VWC2: variants seen among roughly 807,000 people sequenced by gnomAD.
The protein encoded by VWC2 is von Willebrand factor C domain containing 2.
VWC2 carries 14 observed loss-of-function variants against 29.8 expected under a neutral mutation model. That is an observed-to-expected ratio of 0.47 (90% CI 0.31 to 0.74). The LOEUF is 0.74. Ranked by LOEUF, VWC2 falls within the 30% of genes least tolerant of loss-of-function variation. The pLI is 0.05. For synonymous variants in VWC2, 213 were observed against 199.0 expected (o/e 1.07, Z -0.59); for missense variants, 457 against 459.8 (o/e 0.99, Z 0.05).
intron 3 of VWC2, among the ~76,000 whole-genome samples, chr7:49,841,923 A>G (rs1789802591): frequency 6.6e-6 from 1 of 152,000 alleles, no homozygotes; most frequent in African/African-American, 2.4e-5. Context: ...CTGCAGTGCA[A>G]TGGCGTGATC....
intron 3 of VWC2, among the ~76,000 whole-genome samples, chr7:49,891,947 A>G (rs1792147651): frequency 6.6e-6 from 1 of 151,392 alleles, no homozygotes. Flanking sequence ...ATAAATTTTG[A>G]TATATTCATA....
chr7:49,895,697 T>C (rs921410877), intron 3 of VWC2, among the ~76,000 whole-genome samples: 1 of 149,392 alleles, frequency 6.7e-6, no homozygotes, highest in Non-Finnish European at 1.5e-5. Flanking sequence ...TCTCTCTGAG[T>C]CTCATTTTTC....
chr7:49,894,345 G>A (rs1202631681), intron 3 of VWC2, among the ~76,000 whole-genome samples: 8 of 152,160 alleles, frequency 5.3e-5, no homozygotes, highest in Middle Eastern at 3.4e-3. Context: ...TTGTAGAGAC[G>A]GGGTTTTGAA....
chr7:49,891,875 A>T (rs1380517377), intron 3 of VWC2, among the ~76,000 whole-genome samples: 1 of 151,422 alleles, frequency 6.6e-6, no homozygotes, highest in African/African-American at 2.4e-5. Flanking sequence ...TCTGCTATTG[A>T]TAGATACTTT....
At chr7:49,789,387 A>T (rs1182036714) in intron 2 of VWC2, among the ~76,000 whole-genome samples, 1 of 151,364 alleles carries the variant, frequency 6.6e-6, no homozygotes, top group Non-Finnish European at 1.5e-5. Context: ...GTGTGTATGA[A>T]GTAGGCATAG....
intron 3 of VWC2, among the ~76,000 whole-genome samples, chr7:49,887,396 C>A (rs538883732): frequency 2.6e-5 from 4 of 152,298 alleles, no homozygotes; most frequent in African/African-American, 9.6e-5. Flanking sequence ...GAATGACAGA[C>A]AAAGATATTG....
intron 3 of VWC2, among the ~76,000 whole-genome samples, chr7:49,887,249 G>A (rs1022188879): frequency 1.3e-5 from 2 of 152,122 alleles, no homozygotes; most frequent in African/African-American, 4.8e-5. Context: ...TTATTTATTA[G>A]TGGCTCTGTG....
intron 3 of VWC2, among the ~76,000 whole-genome samples, chr7:49,852,811 G>A (rs1341686275): frequency 1.3e-5 from 2 of 152,146 alleles, no homozygotes; most frequent in African/African-American, 4.8e-5. Flanking sequence ...AGGAACATTT[G>A]GCCATGACTT....
chr7:49,785,626 A>C (rs905207134), intron 2 of VWC2, among the ~76,000 whole-genome samples: 19 of 152,254 alleles, frequency 1.2e-4, no homozygotes, highest in Admixed American at 1.2e-3. Flanking sequence ...AAAGATGTTC[A>C]GAGCAACCAG....
chr7:49,783,297 C>T (rs975808210), intron 2 of VWC2, among the ~76,000 whole-genome samples: 2 of 152,162 alleles, frequency 1.3e-5, no homozygotes, highest in African/African-American at 2.4e-5. Context: ...GTGTGTGAGG[C>T]ACTGTGAGAG....
chr7:49,846,898 T>C (rs1056076339), intron 3 of VWC2, among the ~76,000 whole-genome samples: 1 of 152,242 alleles, frequency 6.6e-6, no homozygotes, highest in Non-Finnish European at 1.5e-5. Flanking sequence ...TAAAATATTA[T>C]GATACAAATA....
intron 3 of VWC2, among the ~76,000 whole-genome samples, chr7:49,895,808 G>A (rs185011733): frequency 5.6e-4 from 85 of 152,146 alleles, no homozygotes; most frequent in Middle Eastern, 3.4e-3. Flanking sequence ...TATAATCAAT[G>A]TTAATTAATT....
intron 1 of VWC2, among the ~76,000 whole-genome samples, chr7:49,774,937 C>T (rs1187894715): frequency 6.6e-6 from 1 of 152,188 alleles, no homozygotes; most frequent in Non-Finnish European, 1.5e-5. Flanking sequence ...CTGAATTCTC[C>T]ATTTAATAAC....
intron 3 of VWC2, among the ~76,000 whole-genome samples, chr7:49,860,423 A>G (rs751320748): frequency 4.5e-4 from 68 of 152,296 alleles, no homozygotes; most frequent in Non-Finnish European, 8.2e-4. Context: ...TGTAGCATGG[A>G]TTAGTGCTTC....
At chr7:49,896,750 A>G (rs73336269) in intron 3 of VWC2, among the ~76,000 whole-genome samples, 4,367 of 152,272 alleles carry the variant, frequency 0.029, 235 homozygotes, top group African/African-American at 0.1. Context: ...AAGGAATATT[A>G]TCAGCGACTC....
intron 3 of VWC2, among the ~76,000 whole-genome samples, chr7:49,840,512 T>A (rs1789770364): frequency 6.6e-6 from 1 of 152,156 alleles, no homozygotes; most frequent in African/African-American, 2.4e-5. Context: ...AAGTGCTGTG[T>A]AATAATGTTT....
At chr7:49,873,207 G>A (rs1432023698) in intron 3 of VWC2, among the ~76,000 whole-genome samples, 3 of 152,154 alleles carry the variant, frequency 2.0e-5, no homozygotes, top group Non-Finnish European at 4.4e-5. Flanking sequence ...TACATGAACT[G>A]GATGAAATGT....
chr7:49,834,699 A>T (rs1457941926), intron 3 of VWC2, among the ~76,000 whole-genome samples: 1 of 152,236 alleles, frequency 6.6e-6, no homozygotes, highest in East Asian at 1.9e-4. Context: ...AGGTGCTAGA[A>T]ATCAAGTAAG....
intron 3 of VWC2, among the ~76,000 whole-genome samples, chr7:49,873,334 C>T (rs1014255304): frequency 1.3e-5 from 2 of 152,178 alleles, no homozygotes; most frequent in African/African-American, 4.8e-5. Context: ...CCCCTTCTCC[C>T]TATGTCCACC....
Sources: gnomAD v4.1 joint callset for allele counts (sites outside exome capture counted in the v4.1 genomes callset) on GRCh38, gnomAD v4.1.1 for gene constraint, MANE v1.5 for transcripts, NCBI Gene and HGNC (gene_info 2026-07-23, HGNC 2026-07-21) for gene names.